Variants in FAM53A observed in about 807,000 individuals in gnomAD.
FAM53A encodes family with sequence similarity 53 member A.
FAM53A carries 28 observed loss-of-function variants against 26.6 expected under a neutral mutation model. That is an observed-to-expected ratio of 1.05 (90% confidence interval 0.78 to 1.45). FAM53A has a LOEUF of 1.45. Among genes scored for constraint, FAM53A ranks in the 40% most tolerant of loss-of-function variants. FAM53A has a pLI of 0.00. For synonymous variants in FAM53A, 290 were observed against 253.1 expected, an observed-to-expected ratio of 1.15 and a Z score of -1.38; for missense variants, 650 against 575.8, an observed-to-expected ratio of 1.13 and a Z score of -1.32.
chr4:1,646,582 C>T (rs1042119722), intron 4 of FAM53A, among the ~76,000 whole-genome samples: 3 of 152,150 alleles, frequency 2.0e-5, no homozygotes, highest in African/African-American at 7.2e-5. Flanking sequence ...CAGCAGAGGC[C>T]CCCCCATGGA....
At chr4:1,625,010 C>T (rs1399172429) in intron 1 of FAM53A, among the ~76,000 whole-genome samples, 1 of 135,308 alleles carries the variant, frequency 7.4e-6, no homozygotes, top group Admixed American at 7.3e-5. Flanking sequence ...GAAGGCCCCA[C>T]GTCCCAGCCC....
intron 4 of FAM53A, among the ~76,000 whole-genome samples, chr4:1,649,117 G>GGGAAGA (rs1302354460): frequency 6.7e-6 from 1 of 149,140 alleles, no homozygotes; most frequent in Admixed American, 6.7e-5. Context: ...GAAAGGGAAA[G>GGGAAGA]GGAAGAGGAA....
chr4:1,685,738 C>G (rs1329430117), upstream of FAM53A, among the ~76,000 whole-genome samples: 1 of 152,108 alleles, frequency 6.6e-6, no homozygotes, highest in Non-Finnish European at 1.5e-5. Context: ...CGCTGGGGTC[C>G]GGTAATCCCC....
chr4:1,621,101 C>CTT (rs574102929), intron 1 of FAM53A, among the ~76,000 whole-genome samples: 1,175 of 95,484 alleles, frequency 0.012, 100 homozygotes, highest in Non-Finnish European at 0.016. Flanking sequence ...AGCTACGCTA[C>CTT]TTTTTTTTTT....
chr4:1,601,931 GGGAGGTGGGACGGT>G, the FAM53A span, among the ~76,000 whole-genome samples: 1 of 149,024 alleles, frequency 6.7e-6, no homozygotes, highest in African/African-American at 2.5e-5. Context: ...GGTGGGCCAG[GGGAGGTGGGACGGT>G]GGAGGTGGGC....
intron 2 of FAM53A, among the ~76,000 whole-genome samples, chr4:1,668,021 G>A (rs966051756): frequency 6.6e-6 from 1 of 152,256 alleles, no homozygotes; most frequent in Non-Finnish European, 1.5e-5. Flanking sequence ...GGGACAGGGA[G>A]CCTGGCGGGG....
chr4:1,599,774 C>T, the FAM53A span, among the ~76,000 whole-genome samples: 1,687 of 152,270 alleles, frequency 0.011, 29 homozygotes, highest in African/African-American at 0.037. The surrounding 1 kb of genome is among the most constrained non-coding windows in gnomAD (Gnocchi z 6.1). Context: ...GCCAGCCACA[C>T]GCATACTCAC....
intron 1 of FAM53A, among the ~76,000 whole-genome samples, chr4:1,677,823 T>C (rs1158250247): frequency 2.0e-5 from 3 of 152,160 alleles, no homozygotes; most frequent in African/African-American, 7.2e-5. Context: ...CAGGCGCCTA[T>C]AATCCCAGCT....
the FAM53A span, among the ~76,000 whole-genome samples, chr4:1,578,518 C>A: frequency 2.0e-5 from 3 of 151,738 alleles, no homozygotes; most frequent in Non-Finnish European, 2.9e-5. Flanking sequence ...GGTGAGGGGA[C>A]CCTCAGTTAC....
intron 1 of FAM53A, among the ~76,000 whole-genome samples, chr4:1,634,185 C>A (rs1055960592): frequency 6.6e-6 from 1 of 152,174 alleles, no homozygotes; most frequent in Admixed American, 6.5e-5. Flanking sequence ...GTGACCCTGA[C>A]CTCGGGGTGT....
chr4:1,619,523 T>C (rs979724083), intron 1 of FAM53A, among the ~76,000 whole-genome samples: 29 of 152,182 alleles, frequency 1.9e-4, no homozygotes, highest in Non-Finnish European at 2.8e-4. Context: ...CATGGGCACT[T>C]TCCTCCAAGC....
At chr4:1,602,501 G>A in the FAM53A span, among the ~76,000 whole-genome samples, 1 of 152,264 alleles carries the variant, frequency 6.6e-6, no homozygotes, top group African/African-American at 2.4e-5. Context: ...TGGAATGACA[G>A]GTGACCCGAG....
At chr4:1,674,107 G>C (rs1714871062) in intron 1 of FAM53A, among the ~76,000 whole-genome samples, 1 of 152,206 alleles carries the variant, frequency 6.6e-6, no homozygotes, top group African/African-American at 2.4e-5. Flanking sequence ...CTGGAGGCCG[G>C]AAGTCCAAAA....
At chr4:1,665,090 G>A (rs1403934569) in intron 2 of FAM53A, among the ~76,000 whole-genome samples, 1 of 152,060 alleles carries the variant, frequency 6.6e-6, no homozygotes, top group Non-Finnish European at 1.5e-5. Context: ...TGAGGTGGGT[G>A]GATCACTTGA....
chr4:1,623,428 G>C (rs984144340), intron 1 of FAM53A, among the ~76,000 whole-genome samples: 7 of 151,916 alleles, frequency 4.6e-5, no homozygotes, highest in Non-Finnish European at 1.0e-4. Flanking sequence ...GTGAGGCTTG[G>C]CCACGGTCTC....
chr4:1,664,710 G>C (rs551034627), intron 2 of FAM53A, among the ~76,000 whole-genome samples: 17 of 152,316 alleles, frequency 1.1e-4, no homozygotes, highest in Admixed American at 3.9e-4. Flanking sequence ...AGGCACGGTG[G>C]CTCAGGCCTG....
At chr4:1,578,608 C>A in the FAM53A span, among the ~76,000 whole-genome samples, 3 of 151,006 alleles carry the variant, frequency 2.0e-5, no homozygotes, top group East Asian at 5.9e-4. Context: ...CTCTGCAGGT[C>A]CCCATGGGAA....
At chr4:1,644,411 T>C in intron 4 of FAM53A, 1 of 1,512,040 alleles carries the variant, frequency 6.6e-7, no homozygotes, top group East Asian at 2.5e-5. Context: ...AAAAAACTTC[T>C]GCCCACAGAC....
At chr4:1,619,749 C>G (rs555736151) in intron 1 of FAM53A, among the ~76,000 whole-genome samples, 1 of 152,190 alleles carries the variant, frequency 6.6e-6, no homozygotes, top group Non-Finnish European at 1.5e-5. Context: ...ACTCAGGGCC[C>G]TGGCAGGAAT....
Sources: allele counts gnomAD v4.1 joint callset (sites outside exome capture counted in the v4.1 genomes callset), GRCh38; gene constraint gnomAD v4.1.1; non-coding constraint Gnocchi (gnomAD v3.1); transcripts MANE v1.5; gene names NCBI Gene and HGNC (gene_info 2026-07-23, HGNC 2026-07-21).